Variants in MAST4 observed in about 807,000 individuals in gnomAD.
The protein encoded by MAST4 is microtubule associated serine/threonine kinase family member 4.
In MAST4, 89 loss-of-function variants were observed where a neutral mutation model predicts 162.7. That is an observed-to-expected ratio of 0.55 (90% CI 0.46 to 0.65). MAST4 has a LOEUF of 0.65. Among genes scored for constraint, MAST4 ranks in the 30% least tolerant of loss-of-function variants. The probability of loss-of-function intolerance (pLI) is 0.00; values close to 1 mark genes in which losing one functional copy is unlikely to be tolerated. For synonymous variants in MAST4, 1,479 were observed against 1,361.1 expected (o/e 1.09, Z -1.91); for missense variants, 3,153 against 3,374.0 (o/e 0.93, Z 1.62).
In MAST4 at chr5:66,828,865, A is replaced by G. The variant is rs1757407616; in HGVS notation, c.642+40071A>G. The G allele has an allele frequency of 2.5e-6, 4 of 1,606,350 alleles. No homozygotes were observed. In the East Asian group the frequency reaches 9.0e-5, roughly 36 times the overall value. On this transcript the variant is annotated intron_variant, in intron 3 of 28. Transcript: ENST00000403625. Reference sequence around the variant, plus strand: ...TGAGATGGATGAGTCCAGCATTCTAAGACGAAGAGGGCTCCAGGTAGGAGA... The same window carrying G: ...TGAGATGGATGAGTCCAGCATTCTAGGACGAAGAGGGCTCCAGGTAGGAGA...
chr5:66,956,626 A>T (rs1232592051), intron 4 of MAST4, among the ~76,000 whole-genome samples: 1 of 152,192 alleles, frequency 6.6e-6, no homozygotes, highest in African/African-American at 2.4e-5. Context: ...GCATCCCCTC[A>T]AGGTGACGTA....
intron 4 of MAST4, among the ~76,000 whole-genome samples, chr5:67,051,832 T>G (rs1374505653): frequency 6.6e-6 from 1 of 152,212 alleles, no homozygotes; most frequent in African/African-American, 2.4e-5. Flanking sequence ...CATGTACATA[T>G]GGAAATATAT....
chr5:66,994,662 C>T (rs375006786), intron 4 of MAST4, among the ~76,000 whole-genome samples: 10 of 152,290 alleles, frequency 6.6e-5, no homozygotes, highest in South Asian at 6.2e-4. Context: ...GCAGCAGAAA[C>T]GTCGTCTTTA....
At chr5:66,931,823 A>T (rs1742229537) in intron 4 of MAST4, among the ~76,000 whole-genome samples, 1 of 152,178 alleles carries the variant, frequency 6.6e-6, no homozygotes, top group Non-Finnish European at 1.5e-5. Flanking sequence ...ATAGTTTCCT[A>T]CTGAAATTAC....
chr5:66,752,781 T>C (rs1580367764), intron 1 of MAST4, among the ~76,000 whole-genome samples: 2 of 149,560 alleles, frequency 1.3e-5, no homozygotes, highest in East Asian at 2.0e-4. Context: ...AACTCAGCTC[T>C]GCACCAAGCG....
At position 67,104,363 on chromosome 5, in the gene MAST4, T is replaced by C; in HGVS notation, c.1147-3T>C. 6.2e-7 allele frequency: 1 copy of C among 1,609,060 alleles called. No individual in the cohort carries two copies. The highest frequency in any genetic ancestry group is 8.5e-7 in the Non-Finnish European group (1 of 1,175,408). On this transcript the variant is annotated splice_polypyrimidine_tract_variant and splice_region_variant and intron_variant, in intron 9 of 28. Coordinates refer to ENST00000403625, the MANE Select transcript of MAST4 (RefSeq NM_001164664.2). ...TCTGTGTATGTGTGTCTTCTCTATATAGGCTACAGCTCAGATGGAAGAACG... is the reference window on the plus strand; with the variant it reads ...TCTGTGTATGTGTGTCTTCTCTATACAGGCTACAGCTCAGATGGAAGAACG...
intron 3 of MAST4, among the ~76,000 whole-genome samples, chr5:66,807,109 T>A (rs1005450083): frequency 5.3e-5 from 8 of 152,260 alleles, no homozygotes; most frequent in African/African-American, 1.9e-4. Context: ...AGACATGCAA[T>A]GTGTAATAAT....
At chr5:66,713,919 T>G (rs1403093631) in intron 1 of MAST4, among the ~76,000 whole-genome samples, 1 of 152,248 alleles carries the variant, frequency 6.6e-6, no homozygotes, top group African/African-American at 2.4e-5. Context: ...CTGAAATTTA[T>G]TTCCGTGTGC....
intron 1 of MAST4, among the ~76,000 whole-genome samples, chr5:66,643,974 G>C (rs1470225679): frequency 1.4e-5 from 2 of 147,916 alleles, no homozygotes; most frequent in Non-Finnish European, 3.0e-5. Flanking sequence ...AGTCATTATT[G>C]GCTATATGAG....
intron 5 of MAST4, among the ~76,000 whole-genome samples, chr5:67,081,985 A>C (rs1432529075): frequency 6.6e-6 from 1 of 152,182 alleles, no homozygotes; most frequent in Admixed American, 6.5e-5. Flanking sequence ...CAATAACAGG[A>C]TAAAATCAAT....
rs370778553 is a variant in MAST4, at chr5:67,133,507, C to T, written c.2094-7C>T. 15 of 1,612,466 alleles carry T rather than the reference C, an allele frequency of 9.3e-6. No homozygotes were observed. The African/African-American group carries it at 1.7e-4, about 19-fold the overall frequency. ...ATTATTGTGTTACATGTCCGTCTGC[C>T]TCATAGCTTGTTGGTTACCTCCATG... On this transcript the variant is annotated splice_polypyrimidine_tract_variant and splice_region_variant and intron_variant, in intron 16 of 28. Coordinates refer to ENST00000403625, the MANE Select transcript of MAST4 (RefSeq NM_001164664.2).
intron 2 of MAST4, among the ~76,000 whole-genome samples, chr5:66,770,027 C>T (rs374448903): frequency 1.3e-5 from 2 of 152,168 alleles, no homozygotes; most frequent in East Asian, 3.8e-4. Context: ...TCTCTTGAGT[C>T]GGTCTAGTGT....
At chr5:66,862,107 G>T (rs1760164008) in intron 3 of MAST4, among the ~76,000 whole-genome samples, 1 of 152,196 alleles carries the variant, frequency 6.6e-6, no homozygotes, top group Admixed American at 6.5e-5. Context: ...TTTGAGGAGT[G>T]TAGCACATCC....
intron 7 of MAST4, 64 bp downstream of exon 7, chr5:67,095,739 G>A (rs1427931043): frequency 8.0e-7 from 1 of 1,242,624 alleles, no homozygotes; most frequent in African/African-American, 1.5e-5. Context: ...TACACAGGCA[G>A]TGTTTTCTCT....
intron 4 of MAST4, among the ~76,000 whole-genome samples, chr5:67,017,162 T>C: frequency 6.6e-6 from 1 of 152,204 alleles, no homozygotes; most frequent in East Asian, 1.9e-4. Context: ...GAATAGACTA[T>C]AAATAATCTA....
At chr5:66,610,291 C>G (rs1448584886) in intron 1 of MAST4, among the ~76,000 whole-genome samples, 2 of 152,088 alleles carry the variant, frequency 1.3e-5, no homozygotes, top group East Asian at 3.9e-4. Context: ...TAGGGCTTAC[C>G]CTAGAGACCC....
intron 1 of MAST4, among the ~76,000 whole-genome samples, chr5:66,622,043 TCCTC>T (rs1047657167): frequency 3.3e-5 from 5 of 151,858 alleles, no homozygotes; most frequent in Non-Finnish European, 7.4e-5. Context: ...TGACCCACAG[TCCTC>T]CTTAGTTTGC....
chr5:67,149,301 A>G, intron 23 of MAST4, 88 bp from the exon 24 acceptor site: 1 of 1,198,636 alleles, frequency 8.3e-7, no homozygotes, highest in South Asian at 1.3e-5. Context: ...TCTGGCGTTT[A>G]CTCTTCCTGC....
intron 4 of MAST4, among the ~76,000 whole-genome samples, chr5:67,029,896 C>T (rs990613326): frequency 2.0e-5 from 3 of 152,150 alleles, no homozygotes; most frequent in Admixed American, 1.3e-4. Flanking sequence ...GTCCTGTTTA[C>T]GAGTTTGCAC....
Sources: allele counts gnomAD v4.1 joint callset (sites outside exome capture counted in the v4.1 genomes callset), GRCh38; gene constraint gnomAD v4.1.1; transcripts MANE v1.5; gene names NCBI Gene and HGNC (gene_info 2026-07-23, HGNC 2026-07-21).